Variants in LHFPL6 observed in about 807,000 individuals in gnomAD.
The protein encoded by LHFPL6 is LHFPL tetraspan subfamily member 6 protein.
In LHFPL6, 9 loss-of-function variants were observed where a neutral mutation model predicts 20.6. The ratio of observed to expected loss-of-function variants is 0.44; its 90% CI spans 0.26 to 0.76. The LOEUF (loss-of-function observed/expected upper bound fraction) is 0.76, where lower values mean the gene tolerates loss of function less well. Among genes scored for constraint, LHFPL6 ranks in the 30% least tolerant of loss-of-function variants. LHFPL6 has a pLI of 0.20. For missense variants in LHFPL6, 218 were observed against 253.5 expected (o/e 0.86, Z 0.95); for synonymous variants, 105 against 98.7 (o/e 1.06, Z -0.38).
chr13:39,349,343 G>A (rs959941862), intron 3 of LHFPL6, among the ~76,000 whole-genome samples: 3 of 152,124 alleles, frequency 2.0e-5, no homozygotes, highest in Admixed American at 1.3e-4. Flanking sequence ...AAATGGTCAA[G>A]ATCAGTCTAG....
rs147436027 is a variant in LHFPL6 at position 39,511,714 on chromosome 13, T to C, written c.385+89118A>G. Among the ~76,000 whole-genome samples the C allele has an allele frequency of 3.3e-5, 5 of 152,366 alleles. No individual in the cohort carries two copies. The East Asian group carries it at 5.8e-4, about 18-fold the overall frequency. The stretch of plus-strand genomic sequence containing the variant: ...TGGAATCAATCACCAATTTAAAGTC[T>C]ACTTTTCTCTCGATCAAGAATTAGC... On this transcript the variant is annotated intron_variant, in intron 2 of 3. Coordinates refer to ENST00000379589, the MANE Select transcript of LHFPL6 (RefSeq NM_005780.3).
chr13:39,553,579 A>G (rs749030189), intron 2 of LHFPL6, among the ~76,000 whole-genome samples: 14 of 152,130 alleles, frequency 9.2e-5, no homozygotes, highest in African/African-American at 1.4e-4. Context: ...ATTAGCCAGC[A>G]TGGTGGTCTG....
At chr13:39,550,226 A>C (rs1414580316) in intron 2 of LHFPL6, among the ~76,000 whole-genome samples, 1 of 152,102 alleles carries the variant, frequency 6.6e-6, no homozygotes, top group Non-Finnish European at 1.5e-5. Flanking sequence ...AACTATAGGC[A>C]CAGAAAACAG....
intron 2 of LHFPL6, among the ~76,000 whole-genome samples, chr13:39,491,601 T>A (rs1868926977): frequency 6.6e-6 from 1 of 151,994 alleles, no homozygotes; most frequent in Non-Finnish European, 1.5e-5. Flanking sequence ...ATACCTGGAG[T>A]TCACTTGGGA....
intron 2 of LHFPL6, among the ~76,000 whole-genome samples, chr13:39,521,221 C>G (rs1399123054): frequency 6.6e-6 from 1 of 151,976 alleles, no homozygotes; most frequent in Non-Finnish European, 1.5e-5. Context: ...TCAATCAGTA[C>G]TTCTTCCAAG....
chr13:39,562,589 T>C lies in LHFPL6; in HGVS notation c.385+38243A>G, dbSNP rs201321885. ...ATACACATACATATATACACATATA[T>C]ACATATATACACATATACATATATA... On this transcript the variant is annotated intron_variant, in intron 2 of 3. Coordinates refer to ENST00000379589, the MANE Select transcript of LHFPL6 (RefSeq NM_005780.3). Among the ~76,000 whole-genome samples the C allele has an allele frequency of 1.0e-3, 134 of 128,844 alleles. 8 individuals carry two copies. The highest frequency in any genetic ancestry group is 1.6e-3 in the East Asian group (7 of 4,442). 84.5% of individuals were successfully genotyped at this position (128,844 alleles called of 152,430 possible).
rs371232853 is a variant in LHFPL6, at chr13:39,442,925, T to TTC, written c.386-64401_386-64400dup. Among the ~76,000 whole-genome samples the TTC allele has an allele frequency of 2.4e-3, 353 of 150,140 alleles. 4 individuals carry two copies. The East Asian group carries it at 0.04, about 17-fold the overall frequency. Reference sequence around the variant, plus strand: ...GAGCTAACTGAAGCTTCTTGTCTCTTTCTCTCTCTCTCTCTCTCTTATTCT... The same window carrying TTC: ...GAGCTAACTGAAGCTTCTTGTCTCTTTCTCTCTCTCTCTCTCTCTCTTATTCT... On this transcript the variant is annotated intron_variant, in intron 2 of 3. Coordinates refer to ENST00000379589, the MANE Select transcript of LHFPL6 (RefSeq NM_005780.3).
At chr13:39,366,544 T>C (rs948949018) in intron 3 of LHFPL6, among the ~76,000 whole-genome samples, 1 of 152,218 alleles carries the variant, frequency 6.6e-6, no homozygotes, top group African/African-American at 2.4e-5. Context: ...CAAGGAACTA[T>C]AGGCATTGTA....
At chr13:39,387,586 C>T (rs1870598538) in intron 2 of LHFPL6, among the ~76,000 whole-genome samples, 1 of 151,574 alleles carries the variant, frequency 6.6e-6, no homozygotes, top group Non-Finnish European at 1.5e-5. Context: ...ATATCATTAC[C>T]CCTGTTTAAT....
intron 2 of LHFPL6, among the ~76,000 whole-genome samples, chr13:39,537,356 G>C (rs920230333): frequency 6.6e-6 from 1 of 152,118 alleles, no homozygotes; most frequent in Admixed American, 6.5e-5. Flanking sequence ...AAGCAAAAGA[G>C]GAAACTTAGA....
intron 2 of LHFPL6, among the ~76,000 whole-genome samples, chr13:39,530,249 A>G (rs1870422700): frequency 6.8e-6 from 1 of 146,284 alleles, no homozygotes; most frequent in African/African-American, 2.5e-5. Flanking sequence ...CCTTGTTTCA[A>G]AAAAAAAAAA....
chr13:39,396,328 T>C (rs559187204), intron 2 of LHFPL6, among the ~76,000 whole-genome samples: 8 of 152,290 alleles, frequency 5.3e-5, no homozygotes, highest in South Asian at 2.1e-4. Context: ...CCTGGTGTTA[T>C]TGGCTAAACT....
At chr13:39,575,254 G>A (rs767383713) in intron 2 of LHFPL6, among the ~76,000 whole-genome samples, 2 of 152,196 alleles carry the variant, frequency 1.3e-5, no homozygotes, top group Non-Finnish European at 2.9e-5. Context: ...GAAAGATGAC[G>A]TGTTATATTT....
intron 2 of LHFPL6, among the ~76,000 whole-genome samples, chr13:39,457,051 C>T (rs1336055846): frequency 2.0e-5 from 3 of 152,078 alleles, no homozygotes; most frequent in Admixed American, 6.5e-5. Flanking sequence ...CCGCCAGCCT[C>T]GGCCTCCAAA....
intron 2 of LHFPL6, among the ~76,000 whole-genome samples, chr13:39,423,799 T>G (rs957066458): frequency 2.0e-5 from 3 of 152,142 alleles, no homozygotes; most frequent in African/African-American, 7.2e-5. Context: ...ACATAAGTCA[T>G]GTGGAGTTGT....
intron 2 of LHFPL6, among the ~76,000 whole-genome samples, chr13:39,427,028 G>C (rs1339428192): frequency 6.7e-6 from 1 of 149,788 alleles, no homozygotes; most frequent in Non-Finnish European, 1.5e-5. Context: ...TTTCTCCACT[G>C]AATTGCCTTA....
chr13:39,503,965 T>A (rs17060067), intron 2 of LHFPL6, among the ~76,000 whole-genome samples: 3,289 of 152,250 alleles, frequency 0.022, 124 homozygotes, highest in African/African-American at 0.075. Flanking sequence ...ATAAGAAAGA[T>A]GATAACATGG....
At chr13:39,591,272 G>A (rs921495587) in intron 2 of LHFPL6, among the ~76,000 whole-genome samples, 2 of 152,182 alleles carry the variant, frequency 1.3e-5, no homozygotes, top group African/African-American at 2.4e-5. Flanking sequence ...GTTGCAGGAC[G>A]AAGGAGGAAA....
chr13:39,348,560 T>C (rs1158655640), intron 3 of LHFPL6, among the ~76,000 whole-genome samples: 1 of 152,198 alleles, frequency 6.6e-6, no homozygotes, highest in Admixed American at 6.5e-5. Context: ...GCTTTTCCAC[T>C]TCCCCACTGT....
Sources: gnomAD v4.1 joint callset for allele counts (sites outside exome capture counted in the v4.1 genomes callset) on GRCh38, gnomAD v4.1.1 for gene constraint, MANE v1.5 for transcripts, NCBI Gene and HGNC (gene_info 2026-07-23, HGNC 2026-07-21) for gene names.